Variants in ZNF407 observed in about 807,000 individuals in gnomAD.
ZNF407 encodes the protein zinc finger protein 407.
In ZNF407, 17 loss-of-function variants were observed where a neutral mutation model predicts 131.2. That is an observed-to-expected ratio of 0.13 (90% confidence interval 0.09 to 0.19). The LOEUF (loss-of-function observed/expected upper bound fraction) is 0.19. Among genes scored for constraint, ZNF407 ranks in the 10% least tolerant of loss-of-function variants. The probability of loss-of-function intolerance (pLI) is 1.00; values close to 1 mark genes in which losing one functional copy is unlikely to be tolerated. For missense variants in ZNF407, 2,681 were observed against 2,830.6 expected, an observed-to-expected ratio of 0.95 and a Z score of 1.20; for synonymous variants, 1,156 against 1,062.0, an observed-to-expected ratio of 1.09 and a Z score of -1.72.
intron 7 of ZNF407, among the ~76,000 whole-genome samples, chr18:74,916,222 A>G (rs1304942495): frequency 2.7e-4 from 19 of 69,930 alleles, no homozygotes; most frequent in Admixed American, 8.5e-4. Context: ...GTGTGTGTGT[A>G]CATGTGTGTG....
At chr18:74,737,972 A>C (rs1968456116) in intron 3 of ZNF407, among the ~76,000 whole-genome samples, 2 of 152,272 alleles carry the variant, frequency 1.3e-5, no homozygotes, top group South Asian at 4.1e-4. Context: ...AAAATCTCTT[A>C]ATGTGGTTTA....
intron 6 of ZNF407, among the ~76,000 whole-genome samples, chr18:74,889,191 C>CA (rs1340441852): frequency 6.6e-6 from 1 of 152,140 alleles, no homozygotes; most frequent in African/African-American, 2.4e-5. Flanking sequence ...TGTGTAAGTG[C>CA]ATGCAGGATA....
At chr18:74,826,557 C>T (rs17055692) in intron 4 of ZNF407, among the ~76,000 whole-genome samples, 12,012 of 152,112 alleles carry the variant, frequency 0.079, 612 homozygotes, top group South Asian at 0.17. Flanking sequence ...TTGTGGTGTT[C>T]GTAGGGTCAG....
intron 4 of ZNF407, among the ~76,000 whole-genome samples, chr18:74,788,424 A>T (rs1424033395): frequency 6.6e-6 from 1 of 152,134 alleles, no homozygotes; most frequent in Admixed American, 6.5e-5. Context: ...GTAGTGGTCC[A>T]GTGGTGCTTT....
At chr18:74,733,050 T>G (rs1358949185) in intron 3 of ZNF407, among the ~76,000 whole-genome samples, 2 of 152,090 alleles carry the variant, frequency 1.3e-5, no homozygotes, top group Non-Finnish European at 2.9e-5. Flanking sequence ...TTCAACACAT[T>G]TCTCAGCTTC....
rs542878964 is a variant in ZNF407 at position 74,834,697 on chromosome 18, C to T, written c.4878-42500C>T. Among the ~76,000 whole-genome samples, 11 of 152,290 alleles carry T rather than the reference C, an allele frequency of 7.2e-5. No individual in the cohort carries two copies. The South Asian group carries it at 8.3e-4, about 11-fold the overall frequency. On this transcript the variant is annotated intron_variant, in intron 4 of 8. Transcript: ENST00000299687. ...CCAGAAAGTGGCAATCCTTCCTTCC[C>T]GCAGGCTGAGCACTAGTGCAGGGAT...
intron 8 of ZNF407, among the ~76,000 whole-genome samples, chr18:74,973,738 C>G (rs928211109): frequency 1.1e-4 from 17 of 152,212 alleles, no homozygotes; most frequent in African/African-American, 4.1e-4. Flanking sequence ...GCCATGCTTC[C>G]TCTGAAGTCA....
At chr18:74,790,160 A>G (rs1412894300) in intron 4 of ZNF407, among the ~76,000 whole-genome samples, 1 of 152,214 alleles carries the variant, frequency 6.6e-6, no homozygotes. Context: ...AAAGACTGTA[A>G]TAATACTACA....
chr18:74,816,202 T>A (rs1173596958), intron 4 of ZNF407, among the ~76,000 whole-genome samples: 1 of 152,210 alleles, frequency 6.6e-6, no homozygotes, highest in East Asian at 1.9e-4. Context: ...TATTTCTGGT[T>A]ACTTTGGCTG....
chr18:74,754,783 T>G (rs1468220410), intron 3 of ZNF407, among the ~76,000 whole-genome samples: 2 of 152,204 alleles, frequency 1.3e-5, no homozygotes, highest in Non-Finnish European at 2.9e-5. Flanking sequence ...GTGGTCAATT[T>G]TGGAATAAGT....
chr18:75,051,678 C>G (rs1413035281), intron 8 of ZNF407, among the ~76,000 whole-genome samples: 1 of 152,190 alleles, frequency 6.6e-6, no homozygotes, highest in Non-Finnish European at 1.5e-5. Context: ...TCTTAGATAT[C>G]CTACCCTTTA....
At chr18:74,714,915 T>G (rs1967856997) in intron 3 of ZNF407, among the ~76,000 whole-genome samples, 1 of 152,164 alleles carries the variant, frequency 6.6e-6, no homozygotes, top group South Asian at 2.1e-4. Flanking sequence ...TCTCCTCTGC[T>G]CACGGTGGAA....
intron 1 of ZNF407, among the ~76,000 whole-genome samples, chr18:74,605,182 C>T (rs536035278): frequency 6.6e-6 from 1 of 151,980 alleles, no homozygotes; most frequent in Non-Finnish European, 1.5e-5. Context: ...AGAGACATTC[C>T]GGCGGTGACT....
At chr18:74,708,659 C>G (rs894113768) in intron 3 of ZNF407, among the ~76,000 whole-genome samples, 3 of 152,170 alleles carry the variant, frequency 2.0e-5, no homozygotes, top group African/African-American at 4.8e-5. Context: ...GGGGAGCAGC[C>G]TGGTGTGATG....
intron 8 of ZNF407, among the ~76,000 whole-genome samples, chr18:74,977,894 A>G (rs1018761858): frequency 3.9e-5 from 6 of 152,122 alleles, no homozygotes; most frequent in Admixed American, 2.0e-4. Context: ...TACTTTCTCC[A>G]TTTTTATTGG....
intron 8 of ZNF407, among the ~76,000 whole-genome samples, chr18:74,938,231 G>C (rs1183369931): frequency 6.6e-6 from 1 of 152,042 alleles, no homozygotes; most frequent in Non-Finnish European, 1.5e-5. Context: ...ACATATTAGG[G>C]TGATCTTATC....
chr18:75,005,754 C>T (rs1408042400), intron 8 of ZNF407, among the ~76,000 whole-genome samples: 1 of 130,352 alleles, frequency 7.7e-6, no homozygotes, highest in East Asian at 2.5e-4. Context: ...ATCATACACA[C>T]TCTAAGTGAG....
In ZNF407 at chr18:74,730,869, A is replaced by G. The variant is rs114886969; in HGVS notation, c.4803-50559A>G. 4.0e-3 allele frequency among the ~76,000 whole-genome samples: 607 copies of G among 152,358 alleles called. 4 individuals are homozygous for G. The highest frequency in any genetic ancestry group is 0.013 in the African/African-American group (557 of 41,594). ...GTTCAGCTGGTCATGAAGTAAAAGC[A>G]TAAGGAGGATATAAAAGTCCAATCA... On this transcript the variant is annotated intron_variant, in intron 3 of 8. Transcript: ENST00000299687.
intron 4 of ZNF407, among the ~76,000 whole-genome samples, chr18:74,784,162 A>G (rs1427539610): frequency 1.3e-5 from 2 of 152,220 alleles, no homozygotes; most frequent in Non-Finnish European, 2.9e-5. Context: ...TTACCTATTT[A>G]AAACATTAAA....
Sources: gnomAD v4.1 joint callset for allele counts (sites outside exome capture counted in the v4.1 genomes callset) on GRCh38, gnomAD v4.1.1 for gene constraint, MANE v1.5 for transcripts, NCBI Gene and HGNC (gene_info 2026-07-23, HGNC 2026-07-21) for gene names.